The following FZD3 variants were observed in gnomAD, a reference collection of about 807,000 sequenced individuals.
FZD3 encodes frizzled class receptor 3.
In FZD3, 30 loss-of-function variants were observed where a neutral mutation model predicts 60.7. The ratio of observed to expected loss-of-function variants is 0.49; its 90% confidence interval spans 0.37 to 0.67. The LOEUF (loss-of-function observed/expected upper bound fraction) is 0.67. FZD3 is among the 30% of genes least tolerant of loss of function. The pLI is 0.00. For synonymous variants in FZD3, 246 were observed against 275.2 expected, an observed-to-expected ratio of 0.89 and a Z score of 1.05; for missense variants, 605 against 838.7, an observed-to-expected ratio of 0.72 and a Z score of 3.44.
rs1805749220 is a variant in FZD3, at chr8:28,568,748, A to G, written c.*5737A>G. On this transcript the variant is annotated 3_prime_UTR_variant, in exon 8 of 8. Transcript: ENST00000240093. Reference sequence around the variant, plus strand: ...TTTTAGTCAAACACCAAACCACTGCATTACTTACTTCCTATAAGACACAGT... The same window carrying G: ...TTTTAGTCAAACACCAAACCACTGCGTTACTTACTTCCTATAAGACACAGT... 6.6e-6 allele frequency: 1 copy of G among 152,164 alleles called. No individual in the cohort carries two copies. 9.4% of individuals were successfully genotyped at this position (152,164 alleles called of 1,614,324 possible).
intron 6 of FZD3, among the ~76,000 whole-genome samples, chr8:28,554,131 AT>A (rs1805462456): frequency 6.6e-6 from 1 of 152,252 alleles, no homozygotes; most frequent in African/African-American, 2.4e-5. Flanking sequence ...GACCATACTT[AT>A]GCTAATAATT....
At chr8:28,530,108 T>C in intron 5 of FZD3, among the ~76,000 whole-genome samples, 1 of 127,322 alleles carries the variant, frequency 7.9e-6, no homozygotes, top group East Asian at 2.1e-4. Context: ...TGTGTGTGTG[T>C]GTGTGTGTGT....
intron 5 of FZD3, among the ~76,000 whole-genome samples, chr8:28,528,586 A>G (rs554695853): frequency 1.3e-5 from 2 of 152,150 alleles, no homozygotes; most frequent in South Asian, 2.1e-4. Flanking sequence ...AATGATCTTG[A>G]TTTTTCTTCT....
intron 4 of FZD3, among the ~76,000 whole-genome samples, chr8:28,526,829 C>CA (rs1804725142): frequency 6.6e-6 from 1 of 152,106 alleles, no homozygotes; most frequent in Admixed American, 6.5e-5. Context: ...CAGATATTGG[C>CA]AAAAAAATTA....
At chr8:28,504,299 G>T (rs1804079623) in intron 3 of FZD3, among the ~76,000 whole-genome samples, 1 of 152,162 alleles carries the variant, frequency 6.6e-6, no homozygotes, top group African/African-American at 2.4e-5. Flanking sequence ...GGTCTAAGTG[G>T]TTGAAGAGAG....
chr8:28,499,342 G>A (rs190061981), intron 1 of FZD3, among the ~76,000 whole-genome samples: 1 of 151,782 alleles, frequency 6.6e-6, no homozygotes, highest in African/African-American at 2.4e-5. Flanking sequence ...ACAAATACAG[G>A]TTTATGCTCA....
chr8:28,531,489 T>G (rs4732861), intron 5 of FZD3, among the ~76,000 whole-genome samples: 179 of 152,054 alleles, frequency 1.2e-3, no homozygotes, highest in Admixed American at 3.4e-3. Context: ...ATTTCTTAAA[T>G]ATGAACAAGA....
At chr8:28,546,586 G>T (rs997190825) in intron 5 of FZD3, among the ~76,000 whole-genome samples, 43 of 152,116 alleles carry the variant, frequency 2.8e-4, no homozygotes, top group African/African-American at 8.7e-4. Context: ...AACAGTGAGG[G>T]TGTTTCCCAA....
intron 4 of FZD3, among the ~76,000 whole-genome samples, chr8:28,526,761 T>C (rs1804723443): frequency 6.6e-6 from 1 of 152,212 alleles, no homozygotes; most frequent in African/African-American, 2.4e-5. Context: ...TCTTAGAAAC[T>C]ATTTGATGCA....
rs565251474 is a variant in FZD3 at position 28,566,230 on chromosome 8, G to A, written c.*3219G>A. 1 of 152,166 alleles carries A rather than the reference G, an allele frequency of 6.6e-6. No homozygotes were observed. The highest frequency in any genetic ancestry group is 1.9e-4 in the East Asian group (1 of 5,192). The allele number at this position is 152,166 out of a possible 1,614,324, so 9.4% of individuals were successfully genotyped here. A position where few individuals can be genotyped will look rare whatever the true frequency, so the allele number is the denominator to read the frequency against. On this transcript the variant is annotated 3_prime_UTR_variant, in exon 8 of 8. Transcript: ENST00000240093. ...GCTTTACCAGAATAATATGTGGCAG[G>A]TAATAAATATGTAAAGTACACCAAA...
intron 5 of FZD3, among the ~76,000 whole-genome samples, chr8:28,548,551 TC>T (rs1805346891): frequency 6.6e-6 from 1 of 152,244 alleles, no homozygotes; most frequent in African/African-American, 2.4e-5. Flanking sequence ...CTGTCCAGAA[TC>T]CATTTATTGA....
At chr8:28,546,905 G>T (rs1160438803) in intron 5 of FZD3, among the ~76,000 whole-genome samples, 1 of 151,490 alleles carries the variant, frequency 6.6e-6, no homozygotes, top group African/African-American at 2.4e-5. Context: ...GGGAGGCGGA[G>T]CTTGCAGTGA....
chr8:28,549,506 A>AT, intron 5 of FZD3, among the ~76,000 whole-genome samples: 1 of 152,128 alleles, frequency 6.6e-6, no homozygotes, highest in Non-Finnish European at 1.5e-5. Flanking sequence ...AAATTATATT[A>AT]TTTATAAATA....
In FZD3 at chr8:28,496,530, TA is replaced by T. The variant is rs145030191; in HGVS notation, c.-391+2192del. On this transcript the variant is annotated intron_variant, in intron 1 of 7. Coordinates refer to ENST00000240093, the MANE Select transcript of FZD3 (RefSeq NM_017412.4). ...TGCGCAAAAATAAAAAGAATGATTT[TA>T]AAAATATGTACTGGATAAATTATTC... is the stretch of plus-strand genomic sequence containing the variant. Among the ~76,000 whole-genome samples the T allele has an allele frequency of 7.2e-5, 11 of 152,310 alleles. No individual in the cohort carries two copies. In the East Asian group the frequency reaches 1.7e-3, roughly 24 times the overall value.
intron 4 of FZD3, among the ~76,000 whole-genome samples, chr8:28,522,207 C>A (rs901545017): frequency 1.9e-4 from 28 of 149,110 alleles, no homozygotes; most frequent in Admixed American, 8.7e-4. Context: ...CGGGTTCAAG[C>A]GATTCTCCTG....
chr8:28,559,955 T>C (rs997646454), intron 7 of FZD3, among the ~76,000 whole-genome samples: 2 of 152,176 alleles, frequency 1.3e-5, no homozygotes, highest in East Asian at 3.8e-4. Context: ...CCTACACATA[T>C]ATGTCAGCTT....
chr8:28,503,248 G>T (rs1176846864), intron 3 of FZD3, 46 bp downstream of exon 3: 13 of 1,206,678 alleles, frequency 1.1e-5, no homozygotes, highest in African/African-American at 1.5e-5. Context: ...AATGACTCTT[G>T]TGTTGTCCCA....
Position 28,503,125 on chromosome 8 carries a change from G to T in FZD3, c.112G>T (p.Asp38Tyr). 4 of 1,613,500 alleles carry T rather than the reference G, an allele frequency of 2.5e-6. No homozygotes were observed. Among genetic ancestry groups the T allele is most frequent in the Non-Finnish European group, 3.4e-6 (4 of 1,179,472 alleles). The change falls in exon 3 of 8, where the codon GAT (aspartate) becomes TAT (tyrosine). Residue 38 changes from aspartate to tyrosine, a missense_variant. Coordinates refer to ENST00000240093, the MANE Select transcript of FZD3 (RefSeq NM_017412.4). ...ACCTATTACCTTGAGGATGTGCCAAGATTTGCCTTATAATACTACCTTCAT... is the reference window on the plus strand; with the variant it reads ...ACCTATTACCTTGAGGATGTGCCAATATTTGCCTTATAATACTACCTTCAT... ...CEPITLRMCQ[D>Y]LPYNTTFMPN...
intron 3 of FZD3, among the ~76,000 whole-genome samples, chr8:28,509,008 T>C (rs1166240073): frequency 6.6e-6 from 1 of 152,026 alleles, no homozygotes; most frequent in Non-Finnish European, 1.5e-5. Context: ...CAAAGATTTC[T>C]TTATACTTCT....
Sources: allele counts gnomAD v4.1 joint callset (sites outside exome capture counted in the v4.1 genomes callset), GRCh38; gene constraint gnomAD v4.1.1; transcripts MANE v1.5; gene names NCBI Gene and HGNC (gene_info 2026-07-23, HGNC 2026-07-21).